Variants in PTPRC observed in about 807,000 individuals in gnomAD.
PTPRC encodes the protein receptor-type tyrosine-protein phosphatase C.
In PTPRC, 44 loss-of-function variants were observed where a neutral mutation model predicts 155.9. That is an observed-to-expected ratio of 0.28 (90% CI 0.22 to 0.36). The LOEUF (loss-of-function observed/expected upper bound fraction) is 0.36. PTPRC is among the 10% of genes least tolerant of loss of function. PTPRC has a pLI of 1.00. For synonymous variants in PTPRC, 525 were observed against 533.1 expected (o/e 0.98, Z 0.21); for missense variants, 1,401 against 1,564.6 (o/e 0.90, Z 1.76).
intron 30 of PTPRC, 62 bp from the exon 31 acceptor site, chr1:198,752,532 A>G (rs1425908747): frequency 3.9e-5 from 60 of 1,546,146 alleles, no homozygotes; most frequent in Non-Finnish European, 5.2e-5. Context: ...AAATATGACT[A>G]TCAAATTAGA....
At chr1:198,736,473 C>T (rs12403004) in intron 23 of PTPRC, among the ~76,000 whole-genome samples, 13,884 of 151,644 alleles carry the variant, frequency 0.092, 823 homozygotes, top group Non-Finnish European at 0.13. Context: ...TTTCACTTAA[C>T]GTAAGTCCTC....
chr1:198,741,679 G>C (rs893369186), intron 23 of PTPRC, among the ~76,000 whole-genome samples, 190 bp from the exon 24 acceptor site: 2 of 151,718 alleles, frequency 1.3e-5, no homozygotes, highest in Non-Finnish European at 1.5e-5. Context: ...TTAACTACTA[G>C]TTATTGATTA....
At chr1:198,727,703 G>T (rs1460610849) in intron 15 of PTPRC, among the ~76,000 whole-genome samples, 1 of 152,080 alleles carries the variant, frequency 6.6e-6, no homozygotes, top group East Asian at 1.9e-4. Flanking sequence ...CACTACATAA[G>T]AAAAGGTGAA....
At chr1:198,715,771 C>T (rs752855736) in intron 12 of PTPRC, among the ~76,000 whole-genome samples, 3 of 152,066 alleles carry the variant, frequency 2.0e-5, no homozygotes, top group Admixed American at 6.5e-5. Flanking sequence ...ATGTATACCC[C>T]TTGAAACAGT....
chr1:198,727,967 AT>A lies in PTPRC; in HGVS notation c.1721-372del, dbSNP rs1438466829. 2.0e-5 allele frequency among the ~76,000 whole-genome samples: 3 copies of A among 152,170 alleles called. No homozygotes were observed. The East Asian group carries it at 5.8e-4, about 29-fold the overall frequency. Reference sequence around the variant, plus strand: ...ACTTCTGCATATAAAGTTAAACTATATGAGTTTGTCTCCAAAATTTATAATA... The same window carrying A: ...ACTTCTGCATATAAAGTTAAACTATAGAGTTTGTCTCCAAAATTTATAATA... On this transcript the variant is annotated intron_variant, in intron 15 of 32. Transcript: ENST00000442510.
chr1:198,721,592 C>T (rs551206967), intron 14 of PTPRC, among the ~76,000 whole-genome samples: 42 of 152,034 alleles, frequency 2.8e-4, no homozygotes, highest in Admixed American at 1.8e-3. Flanking sequence ...AGTTTTTCTA[C>T]ATTTCTGGTG....
chr1:198,748,649 A>G (rs1655247911), intron 27 of PTPRC, among the ~76,000 whole-genome samples: 1 of 151,806 alleles, frequency 6.6e-6, no homozygotes, highest in Non-Finnish European at 1.5e-5. Context: ...AAAATACTCT[A>G]TAAATTCTAA....
chr1:198,659,544 T>C (rs1302757788), intron 2 of PTPRC, among the ~76,000 whole-genome samples: 1 of 149,616 alleles, frequency 6.7e-6, no homozygotes, highest in East Asian at 2.0e-4. Flanking sequence ...AATACATATA[T>C]ATTTTTTTTT....
chr1:198,686,736 G>T (rs539585012), intron 2 of PTPRC, among the ~76,000 whole-genome samples: 2 of 152,182 alleles, frequency 1.3e-5, no homozygotes, highest in South Asian at 4.1e-4. Flanking sequence ...TATTTATTGT[G>T]CACTGGTTAT....
intron 2 of PTPRC, among the ~76,000 whole-genome samples, chr1:198,642,357 A>AATCT (rs199962274): frequency 0.26 from 27,269 of 103,160 alleles, 2,632 homozygotes; most frequent in South Asian, 0.33. Context: ...TATACTAGTC[A>AATCT]ATCTATCTAT....
At chr1:198,705,441 T>C (rs1203088376) in intron 8 of PTPRC, among the ~76,000 whole-genome samples, 2 of 150,970 alleles carry the variant, frequency 1.3e-5, no homozygotes, top group African/African-American at 4.9e-5. Context: ...TCTTTTTTTT[T>C]TTTTTTTCTC....
At chr1:198,700,599 T>C (rs971232361) in intron 5 of PTPRC, among the ~76,000 whole-genome samples, 2 of 152,088 alleles carry the variant, frequency 1.3e-5, no homozygotes, top group Non-Finnish European at 2.9e-5. Flanking sequence ...GGAACCACAA[T>C]AAAAATATTT....
chr1:198,662,031 G>C (rs1037087275), intron 2 of PTPRC, among the ~76,000 whole-genome samples: 1 of 152,064 alleles, frequency 6.6e-6, no homozygotes, highest in Non-Finnish European at 1.5e-5. Flanking sequence ...TCCAAACGAT[G>C]GTGATTAAGA....
In PTPRC at chr1:198,699,682, C is replaced by T. The variant is rs2102393848; in HGVS notation, c.417C>T (p.Thr139=). Residue 139 remains threonine, a synonymous_variant, in exon 5 of 33, where the codon ACC becomes ACT. Transcript: ENST00000442510. ...GSAANAKLNP[T]PGSNAISDVP... The stretch of plus-strand genomic sequence containing the variant: ...CCGCCAATGCAAAACTCAACCCTAC[C>T]CCAGGCAGCAATGCTATCTCAGGTT... The T allele has an allele frequency of 6.2e-7, 1 of 1,614,148 alleles. No individual in the cohort carries two copies. The highest frequency in any genetic ancestry group is 1.7e-4 in the Middle Eastern group (1 of 6,060).
chr1:198,731,508 G>A (rs1349105071), intron 17 of PTPRC, 109 bp from the exon 18 acceptor site: 15 of 792,904 alleles, frequency 1.9e-5, no homozygotes, highest in Admixed American at 9.3e-5. Flanking sequence ...AAATGTGTAC[G>A]AGGAGGAAAG....
intron 13 of PTPRC, 65 bp downstream of exon 13, chr1:198,716,905 C>T (rs1653617520): frequency 6.9e-7 from 1 of 1,456,652 alleles, no homozygotes; most frequent in African/African-American, 1.4e-5. Flanking sequence ...ACTTTTTAGC[C>T]TACAATATTT....
intron 2 of PTPRC, among the ~76,000 whole-genome samples, chr1:198,683,709 C>T (rs1665464617): frequency 2.6e-5 from 4 of 152,022 alleles, no homozygotes; most frequent in Admixed American, 2.6e-4. Context: ...AAATAGTCAC[C>T]TTTAATCTAA....
intron 2 of PTPRC, among the ~76,000 whole-genome samples, chr1:198,668,676 T>C (rs1267978205): frequency 6.6e-6 from 1 of 152,202 alleles, no homozygotes; most frequent in East Asian, 1.9e-4. Context: ...AAAAGATACA[T>C]GACCAAGCTT....
intron 32 of PTPRC, among the ~76,000 whole-genome samples, chr1:198,755,375 A>ATATC (rs2102557345): frequency 6.6e-6 from 1 of 152,226 alleles, no homozygotes; most frequent in Admixed American, 6.5e-5. Context: ...TTGAGATTTC[A>ATATC]TATCTTGGTA....
Sources: allele counts gnomAD v4.1 joint callset (sites outside exome capture counted in the v4.1 genomes callset), GRCh38; gene constraint gnomAD v4.1.1; transcripts MANE v1.5; gene names NCBI Gene and HGNC (gene_info 2026-07-23, HGNC 2026-07-21).